CDK8: variants seen among roughly 807,000 people sequenced by gnomAD.
The protein encoded by CDK8 is cyclin-dependent kinase 8.
A neutral mutation model predicts 71.5 loss-of-function variants in CDK8; 29 were observed. The ratio of observed to expected loss-of-function variants is 0.41; its 90% CI spans 0.30 to 0.55. CDK8 has a LOEUF of 0.55. CDK8 is among the 20% of genes least tolerant of loss of function. The pLI is 0.37. For synonymous variants in CDK8, 161 were observed against 192.1 expected (o/e 0.84, Z 1.34); for missense variants, 288 against 572.6 (o/e 0.50, Z 5.07).
intron 7 of CDK8, among the ~76,000 whole-genome samples, chr13:26,394,386 A>G (rs569164303): frequency 1.3e-5 from 2 of 152,354 alleles, no homozygotes; most frequent in South Asian, 4.1e-4. Context: ...ATTGGTCACC[A>G]GTGTGGAGAA....
chr13:26,344,585 C>A, intron 2 of CDK8, among the ~76,000 whole-genome samples: 1 of 151,972 alleles, frequency 6.6e-6, no homozygotes, highest in East Asian at 1.9e-4. Context: ...GCCAACATGG[C>A]GAAACCTTGT....
At chr13:26,354,912 C>A (rs1391265373) in intron 4 of CDK8, among the ~76,000 whole-genome samples, 1 of 152,076 alleles carries the variant, frequency 6.6e-6, no homozygotes, top group Non-Finnish European at 1.5e-5. Flanking sequence ...TAGTTCTTTT[C>A]TTTGTAAAGA....
At position 26,254,429 on chromosome 13, in the gene CDK8, C is replaced by T. The variant is rs1451057372; in HGVS notation, c.-213C>T. On this transcript the variant is annotated 5_prime_UTR_variant, in exon 1 of 13. Transcript: ENST00000381527. The surrounding 1 kb of genome is among the most constrained non-coding windows in gnomAD (Gnocchi z 6.7). ...CGGGGGATCCTCCCCGTTCCTCCACCCCCGGCCGGCCTCTGCCCCGCCGTC... is the reference window on the plus strand; with the variant it reads ...CGGGGGATCCTCCCCGTTCCTCCACTCCCGGCCGGCCTCTGCCCCGCCGTC... The T allele has an allele frequency of 9.3e-6, 4 of 429,056 alleles. No homozygotes were observed. The highest frequency in any genetic ancestry group is 1.3e-5 in the Non-Finnish European group (3 of 236,940). The allele number at this position is 429,056 out of a possible 1,614,324, so 26.6% of individuals were successfully genotyped here.
rs1876275193 is a variant in CDK8, at chr13:26,401,853, C to T, written c.1269+229C>T. Among the ~76,000 whole-genome samples, 2 of 152,200 alleles carry T rather than the reference C, an allele frequency of 1.3e-5. No homozygotes were observed. The highest frequency in any genetic ancestry group is 2.1e-4 in the South Asian group (1 of 4,824). On this transcript the variant is annotated intron_variant, in intron 12 of 12. Transcript: ENST00000381527. This position sits in a 1 kb window ranked among gnomAD's most constrained non-coding sequence, Gnocchi z 4.5. ...AAATACAAATTATGCCATTTATTAA[C>T]TGTGTGACCTTGGACAAGTAGGATA...
chr13:26,359,751 T>C (rs1384759846), intron 4 of CDK8: 1 of 430,724 alleles, frequency 2.3e-6, no homozygotes, highest in Non-Finnish European at 4.7e-6. Context: ...GTCATCACTC[T>C]GTTGCCCAGG....
intron 4 of CDK8, among the ~76,000 whole-genome samples, chr13:26,358,340 A>G (rs1873987917): frequency 6.6e-6 from 1 of 152,124 alleles, no homozygotes; most frequent in South Asian, 2.1e-4. Flanking sequence ...ATACAAGTGA[A>G]TAAACAAGAA....
At chr13:26,300,318 A>G (rs1873770170) in intron 1 of CDK8, among the ~76,000 whole-genome samples, 1 of 152,186 alleles carries the variant, frequency 6.6e-6, no homozygotes, top group Admixed American at 6.5e-5. Flanking sequence ...ATGGGTGAGT[A>G]GAGTATGCAG....
At chr13:26,330,815 A>G (rs1055548159) in intron 1 of CDK8, among the ~76,000 whole-genome samples, 3 of 152,120 alleles carry the variant, frequency 2.0e-5, no homozygotes, top group African/African-American at 7.2e-5. Flanking sequence ...GTGTATATAT[A>G]CCACATTTTC....
chr13:26,257,123 T>C (rs150889730), intron 1 of CDK8, among the ~76,000 whole-genome samples: 16 of 152,344 alleles, frequency 1.1e-4, no homozygotes, highest in African/African-American at 3.4e-4. Context: ...AGTATTGATT[T>C]ACTTTCAAAT....
At chr13:26,317,516 T>C (rs1874566163) in intron 1 of CDK8, among the ~76,000 whole-genome samples, 2 of 152,176 alleles carry the variant, frequency 1.3e-5, no homozygotes, top group Non-Finnish European at 2.9e-5. Flanking sequence ...CATGGGACAT[T>C]TTCCAGGATA....
At chr13:26,274,026 A>T (rs900236551) in intron 1 of CDK8, among the ~76,000 whole-genome samples, 6 of 152,122 alleles carry the variant, frequency 3.9e-5, no homozygotes, top group African/African-American at 1.4e-4. Flanking sequence ...ATATGATTGT[A>T]CTTTAAAAAA....
chr13:26,339,742 T>G (rs1873150769), intron 2 of CDK8, among the ~76,000 whole-genome samples: 1 of 74,502 alleles, frequency 1.3e-5, no homozygotes, highest in Non-Finnish European at 3.2e-5. Context: ...ATTTATATAA[T>G]TACTTAAAAA....
At chr13:26,399,723 G>C (rs1876167210) in intron 9 of CDK8, among the ~76,000 whole-genome samples, 1 of 152,200 alleles carries the variant, frequency 6.6e-6, no homozygotes, top group Non-Finnish European at 1.5e-5. Context: ...ATTTAATCCT[G>C]AAAACAACCT....
chr13:26,342,329 CT>C (rs1873278340), intron 2 of CDK8, among the ~76,000 whole-genome samples: 1 of 152,180 alleles, frequency 6.6e-6, no homozygotes, highest in Non-Finnish European at 1.5e-5. Flanking sequence ...TGCTGAAGTT[CT>C]TTTCGTCACC....
At chr13:26,278,649 C>G (rs747992127) in intron 1 of CDK8, among the ~76,000 whole-genome samples, 16 of 152,146 alleles carry the variant, frequency 1.1e-4, no homozygotes, top group Non-Finnish European at 7.4e-5. Context: ...TGTTTGTGCT[C>G]TAGTGACATT....
At chr13:26,354,472 C>T (rs1160707483) in intron 4 of CDK8, among the ~76,000 whole-genome samples, 1 of 152,138 alleles carries the variant, frequency 6.6e-6, no homozygotes, top group African/African-American at 2.4e-5. Flanking sequence ...TTTCACCCAT[C>T]TTGCACAGGG....
Position 26,362,128 on chromosome 13 carries a change from C to T in CDK8, c.456+8248C>T, listed in dbSNP as rs115630234. On this transcript the variant is annotated intron_variant, in intron 4 of 12. Transcript: ENST00000381527. ...AGTAGTTATATGACTGGCCTAGTAG[C>T]CATTAATTTTTGTAAAGTACATGTA... 8.9e-3 allele frequency among the ~76,000 whole-genome samples: 1,345 copies of T among 151,784 alleles called. 19 individuals carry two copies. The highest frequency in any genetic ancestry group is 0.031 in the African/African-American group (1,289 of 41,368).
chr13:26,314,898 GAAGTATTTAGT>G lies in CDK8; in HGVS notation c.129-22668_129-22658del, dbSNP rs1874439196. The stretch of plus-strand genomic sequence containing the variant: ...TCTTTTATACAATATTTGTCATTTA[GAAGTATTTAGT>G]TCTTTAAAGGTATAAAAAATCAATT... On this transcript the variant is annotated intron_variant, in intron 1 of 12. Transcript: ENST00000381527. Among the ~76,000 whole-genome samples the G allele has an allele frequency of 3.9e-5, 6 of 152,204 alleles. No homozygotes were observed. The South Asian group carries it at 1.2e-3, about 32-fold the overall frequency.
At chr13:26,306,202 T>C (rs958993019) in intron 1 of CDK8, among the ~76,000 whole-genome samples, 1 of 152,204 alleles carries the variant, frequency 6.6e-6, no homozygotes, top group Admixed American at 6.5e-5. Context: ...CTTCAGGGTC[T>C]CAACCAAAAG....
Sources: gnomAD v4.1 joint callset for allele counts (sites outside exome capture counted in the v4.1 genomes callset) on GRCh38, gnomAD v4.1.1 for gene constraint, Gnocchi (gnomAD v3.1) non-coding constraint, MANE v1.5 for transcripts, NCBI Gene and HGNC (gene_info 2026-07-23, HGNC 2026-07-21) for gene names.